Variants in DSE observed in about 807,000 individuals in gnomAD.
DSE encodes the protein dermatan-sulfate epimerase.
DSE carries 36 observed loss-of-function variants against 84.4 expected under a neutral mutation model. The observed-to-expected ratio is 0.43, with a 90% CI of 0.33 to 0.56. DSE has a LOEUF of 0.56. DSE is among the 20% of genes least tolerant of loss of function. The pLI is 0.06. For synonymous variants in DSE, 410 were observed against 430.1 expected (o/e 0.95, Z 0.58); for missense variants, 862 against 1,169.6 (o/e 0.74, Z 3.84).
chr6:116,376,980 T>C (rs769046197), intron 1 of DSE, among the ~76,000 whole-genome samples: 1 of 152,238 alleles, frequency 6.6e-6, no homozygotes, highest in Non-Finnish European at 1.5e-5. Flanking sequence ...GTTTTATTTC[T>C]AGACTTAATA....
At chr6:116,345,645 A>G (rs993012793) in intron 2 of DSE, among the ~76,000 whole-genome samples, 4 of 152,200 alleles carry the variant, frequency 2.6e-5, no homozygotes, top group Admixed American at 2.0e-4. Context: ...TTATAGCACT[A>G]AATGCCCACA....
intron 1 of DSE, chr6:116,375,621 T>G (rs185472359): frequency 2.1e-3 from 1,901 of 920,296 alleles, no homozygotes; most frequent in Non-Finnish European, 2.4e-3. Flanking sequence ...GATGCTGAAG[T>G]CTTGCAGAAA....
At chr6:116,279,769 G>C in intron 2 of DSE, 1 of 1,612,662 alleles carries the variant, frequency 6.2e-7, no homozygotes, top group South Asian at 1.1e-5. Flanking sequence ...GACTTGGTCA[G>C]AAATAATGAT....
chr6:116,421,455 ATATATATATTTTT>A, intron 2 of DSE, among the ~76,000 whole-genome samples: 1 of 73,284 alleles, frequency 1.4e-5, no homozygotes, highest in African/African-American at 7.6e-5. Context: ...ATATATATAT[ATATATATATTTTT>A]TTTTTTTTTT....
chr6:116,312,050 A>G (rs1244670806), intron 2 of DSE, among the ~76,000 whole-genome samples: 2 of 152,116 alleles, frequency 1.3e-5, no homozygotes, highest in Non-Finnish European at 2.9e-5. Context: ...ACCATATGCT[A>G]CCCCTCATCT....
At chr6:116,329,210 G>A (rs1279640873) in intron 2 of DSE, among the ~76,000 whole-genome samples, 1 of 152,130 alleles carries the variant, frequency 6.6e-6, no homozygotes, top group Non-Finnish European at 1.5e-5. Flanking sequence ...AGCTATACTT[G>A]TTTATTTCAA....
At chr6:116,413,703 T>TATC (rs1782523199) in intron 2 of DSE, among the ~76,000 whole-genome samples, 1 of 152,156 alleles carries the variant, frequency 6.6e-6, no homozygotes, top group South Asian at 2.1e-4. Flanking sequence ...AAAATCAAAT[T>TATC]ATCAAAGAAA....
intron 2 of DSE, among the ~76,000 whole-genome samples, chr6:116,267,378 A>G (rs1772671368): frequency 6.6e-6 from 1 of 152,174 alleles, no homozygotes; most frequent in African/African-American, 2.4e-5. Flanking sequence ...AATCGGGAGC[A>G]TGGCTATGCC....
At chr6:116,324,647 G>C (rs1776519757) in intron 2 of DSE, among the ~76,000 whole-genome samples, 2 of 152,292 alleles carry the variant, frequency 1.3e-5, no homozygotes, top group Admixed American at 1.3e-4. Context: ...TTGTTAAACA[G>C]CAATGGTAGA....
At chr6:116,411,164 TGTGTGTGTTGTGC>T (rs1309570397) in intron 2 of DSE, among the ~76,000 whole-genome samples, 1 of 152,158 alleles carries the variant, frequency 6.6e-6, no homozygotes, top group Admixed American at 6.5e-5. Flanking sequence ...TGTGTATGTG[TGTGTGTGTTGTGC>T]GTGTGTGTGT....
At chr6:116,288,364 G>C (rs920848282) in intron 2 of DSE, 11 of 152,044 alleles carry the variant, frequency 7.2e-5, no homozygotes, top group African/African-American at 2.7e-4. Context: ...ATTGTGCAAG[G>C]TATAATCTGG....
intron 1 of DSE, among the ~76,000 whole-genome samples, chr6:116,254,630 T>C (rs370523193): frequency 2.1e-4 from 32 of 152,238 alleles, no homozygotes; most frequent in African/African-American, 7.7e-4. Flanking sequence ...CAATTTGTCT[T>C]ACAGATTTTA....
chr6:116,322,851 G>C (rs1776409391), intron 2 of DSE, among the ~76,000 whole-genome samples: 3 of 152,130 alleles, frequency 2.0e-5, no homozygotes, highest in Non-Finnish European at 4.4e-5. Flanking sequence ...AGAAGAGACT[G>C]CAGAATAATG....
upstream of DSE, among the ~76,000 whole-genome samples, chr6:116,368,342 G>T (rs185897289): frequency 5.3e-4 from 80 of 152,296 alleles, 2 homozygotes; most frequent in Admixed American, 4.7e-3. Flanking sequence ...GCAGAGGAAG[G>T]TACCTGAGAA....
intron 4 of DSE, chr6:116,432,671 G>A (rs1783917723): frequency 6.7e-6 from 1 of 149,328 alleles, no homozygotes; most frequent in Non-Finnish European, 1.5e-5. Flanking sequence ...GTCTGGCTGA[G>A]TTTTCTATCT....
intron 2 of DSE, among the ~76,000 whole-genome samples, chr6:116,315,025 A>G (rs1173377257): frequency 6.6e-6 from 1 of 152,156 alleles, no homozygotes; most frequent in East Asian, 1.9e-4. Context: ...CCAGAGTGAA[A>G]TTCTTGTAGG....
In DSE at chr6:116,312,958, T is replaced by C. The variant is rs1775776880; in HGVS notation, c.-54+53991T>C. ...TGAGTGAGGGATACAAATATATATG[T>C]ATATAGAAGTCTTCTCTAGTACCTC... On this transcript the variant is annotated intron_variant, in intron 2 of 3. Transcript: ENST00000430252. Among the ~76,000 whole-genome samples, 3 of 152,114 alleles carry C rather than the reference T, an allele frequency of 2.0e-5. No individual in the cohort carries two copies. The South Asian group carries it at 6.2e-4, about 32-fold the overall frequency.
At chr6:116,279,979 G>C (rs1287013188) in intron 2 of DSE, 23 of 1,158,124 alleles carry the variant, frequency 2.0e-5, no homozygotes, top group Non-Finnish European at 2.8e-5. Flanking sequence ...ACGGTATCGC[G>C]AGAACTTGCT....
At chr6:116,282,890 A>G (rs1056514537) in intron 2 of DSE, among the ~76,000 whole-genome samples, 3 of 152,204 alleles carry the variant, frequency 2.0e-5, no homozygotes, top group African/African-American at 7.2e-5. Context: ...AGGAATGTCA[A>G]CATGCACCAA....
Sources: allele counts gnomAD v4.1 joint callset (sites outside exome capture counted in the v4.1 genomes callset), GRCh38; gene constraint gnomAD v4.1.1; transcripts MANE v1.5; gene names NCBI Gene and HGNC (gene_info 2026-07-23, HGNC 2026-07-21).